EFCAB5: variants seen among roughly 807,000 people sequenced by gnomAD.
EFCAB5 encodes the protein EF-hand calcium binding domain 5.
A neutral mutation model predicts 167.9 loss-of-function variants in EFCAB5; 131 were observed. That is an observed-to-expected ratio of 0.78 (90% CI 0.68 to 0.90). The LOEUF is 0.90. Ranked by LOEUF, EFCAB5 falls within the 40% of genes least tolerant of loss-of-function variation. The pLI, the probability that EFCAB5 is intolerant of heterozygous loss-of-function variation, is 0.00. For missense variants in EFCAB5, 1,663 were observed against 1,745.2 expected (o/e 0.95, Z 0.84); for synonymous variants, 574 against 602.8 (o/e 0.95, Z 0.70).
intron 10 of EFCAB5, among the ~76,000 whole-genome samples, chr17:30,055,584 T>A (rs974441402): frequency 6.6e-6 from 1 of 152,148 alleles, no homozygotes; most frequent in Non-Finnish European, 1.5e-5. Flanking sequence ...TTGGAACATA[T>A]CCTGCCAAGG....
chr17:30,103,738 G>T lies in EFCAB5; in HGVS notation c.4322-4096G>T, dbSNP rs114749913. On this transcript the variant is annotated intron_variant, in intron 22 of 22. Transcript: ENST00000394835. ...TGATTGAAATTTGCATATATGACCG[G>T]GCGCAGTGGCTCACACCTGTAATCC... Among the ~76,000 whole-genome samples the T allele has an allele frequency of 5.9e-3, 893 of 152,212 alleles. 4 individuals are homozygous for T. The highest frequency in any genetic ancestry group is 0.021 in the African/African-American group (862 of 41,526).
intron 14 of EFCAB5, among the ~76,000 whole-genome samples, chr17:30,070,737 A>G (rs530135773): frequency 9.2e-5 from 14 of 152,004 alleles, no homozygotes; most frequent in African/African-American, 3.1e-4. Flanking sequence ...ATTACCTGAG[A>G]TCAGGAGTTC....
At chr17:30,104,735 T>C (rs1597581114) in intron 22 of EFCAB5, among the ~76,000 whole-genome samples, 5 of 152,072 alleles carry the variant, frequency 3.3e-5, no homozygotes, top group African/African-American at 1.2e-4. Context: ...GGAGGCTCAT[T>C]AGAGGAATCG....
intron 4 of EFCAB5, among the ~76,000 whole-genome samples, chr17:29,988,463 T>C (rs1219305592): frequency 6.6e-6 from 1 of 152,186 alleles, no homozygotes; most frequent in Non-Finnish European, 1.5e-5. Flanking sequence ...CTGGAAAACT[T>C]TACCCTTCGA....
At chr17:30,084,072 C>T (rs1467595876) in intron 18 of EFCAB5, among the ~76,000 whole-genome samples, 1 of 152,146 alleles carries the variant, frequency 6.6e-6, no homozygotes, top group Admixed American at 6.5e-5. Flanking sequence ...GGTAGTGTCA[C>T]CTGGTTGTCT....
chr17:30,064,991 A>G (rs2070523434), intron 14 of EFCAB5, among the ~76,000 whole-genome samples: 2 of 152,266 alleles, frequency 1.3e-5, no homozygotes, highest in South Asian at 4.1e-4. Flanking sequence ...TGAGAGAACA[A>G]TAAAGTCTTT....
rs1290709829 is a variant in EFCAB5 at position 29,949,737 on chromosome 17, T to G, written c.190+6088T>G. On this transcript the variant is annotated intron_variant, in intron 3 of 22. Transcript: ENST00000394835. ...TTGTTGACCCTGCTGTTGCTGTGCT[T>G]CTTTTTCTTGTTTTTGTGGTTCTAA... Among the ~76,000 whole-genome samples the G allele has an allele frequency of 2.0e-5, 3 of 152,344 alleles. No individual in the cohort carries two copies. In the East Asian group the frequency reaches 5.8e-4, roughly 29 times the overall value.
At chr17:29,986,796 C>T (rs1005956026) in intron 4 of EFCAB5, among the ~76,000 whole-genome samples, 4 of 151,618 alleles carry the variant, frequency 2.6e-5, no homozygotes, top group East Asian at 3.9e-4. Context: ...TATAGGCACC[C>T]GCCACCTCGC....
At chr17:29,983,699 T>C (rs1319771618) in intron 4 of EFCAB5, among the ~76,000 whole-genome samples, 3 of 152,196 alleles carry the variant, frequency 2.0e-5, no homozygotes, top group Non-Finnish European at 4.4e-5. Flanking sequence ...AACATCTTCA[T>C]GAGATAATGC....
upstream of EFCAB5, among the ~76,000 whole-genome samples, chr17:29,939,252 TA>T (rs1455316765): frequency 1.3e-5 from 2 of 152,366 alleles, no homozygotes; most frequent in South Asian, 2.1e-4. Flanking sequence ...AGGGTGTATT[TA>T]AAATATTCCT....
intron 7 of EFCAB5, among the ~76,000 whole-genome samples, chr17:30,000,842 T>C (rs928209397): frequency 6.6e-6 from 1 of 152,222 alleles, no homozygotes; most frequent in Admixed American, 6.5e-5. Flanking sequence ...AAGGCCAAAC[T>C]AATGGCCACA....
intron 7 of EFCAB5, among the ~76,000 whole-genome samples, chr17:30,007,184 T>A (rs1331539335): frequency 6.6e-6 from 1 of 152,178 alleles, no homozygotes; most frequent in Non-Finnish European, 1.5e-5. Flanking sequence ...ATTTTTTCAG[T>A]CATCCCAAGA....
intron 5 of EFCAB5, among the ~76,000 whole-genome samples, chr17:29,994,235 G>A (rs903350970): frequency 2.1e-5 from 3 of 141,668 alleles, no homozygotes; most frequent in African/African-American, 7.8e-5. Flanking sequence ...TGTACTTTCC[G>A]CTCAATTTTC....
At chr17:29,932,131 T>C (rs1240988559) in intron 1 of EFCAB5, among the ~76,000 whole-genome samples, 1 of 151,704 alleles carries the variant, frequency 6.6e-6, no homozygotes, top group Non-Finnish European at 1.5e-5. Context: ...AATAAAGCCC[T>C]CTATGCAATT....
chr17:30,016,075 T>C (rs1403692291), intron 7 of EFCAB5, among the ~76,000 whole-genome samples: 1 of 152,164 alleles, frequency 6.6e-6, no homozygotes, highest in Non-Finnish European at 1.5e-5. Context: ...TAAAATTGGG[T>C]TGTCTTTTTA....
chr17:29,967,586 G>A (rs560425568), intron 3 of EFCAB5, among the ~76,000 whole-genome samples: 1 of 152,222 alleles, frequency 6.6e-6, no homozygotes, highest in South Asian at 2.1e-4. Context: ...GAATTCCCCT[G>A]CTTTACATTT....
intron 13 of EFCAB5, 65 bp from the exon 14 acceptor site, chr17:30,059,470 TGGAATAAACA>T: frequency 7.0e-7 from 1 of 1,420,056 alleles, no homozygotes. Flanking sequence ...GGACTTTTTT[TGGAATAAACA>T]CAGAATGCTA....
chr17:30,023,586 G>T (rs2069238420), intron 7 of EFCAB5, among the ~76,000 whole-genome samples: 1 of 151,908 alleles, frequency 6.6e-6, no homozygotes, highest in Non-Finnish European at 1.5e-5. Flanking sequence ...ATTCGCTGCC[G>T]AATTCTACCA....
chr17:29,999,774 T>A, intron 6 of EFCAB5, 132 bp from the exon 7 acceptor site: 1 of 551,994 alleles, frequency 1.8e-6, no homozygotes, highest in Non-Finnish European at 2.9e-6. Context: ...CTATATGTAA[T>A]TCACTTTATT....
Sources: gnomAD v4.1 joint callset for allele counts (sites outside exome capture counted in the v4.1 genomes callset) on GRCh38, gnomAD v4.1.1 for gene constraint, MANE v1.5 for transcripts, NCBI Gene and HGNC (gene_info 2026-07-23, HGNC 2026-07-21) for gene names.